The following CSMD2 variants were observed in gnomAD, a reference collection of about 807,000 sequenced individuals.
CSMD2 encodes CUB and sushi domain-containing protein 2.
CSMD2 carries 130 observed loss-of-function variants against 398.5 expected under a neutral mutation model. That is an observed-to-expected ratio of 0.33 (90% confidence interval 0.28 to 0.38). The LOEUF (loss-of-function observed/expected upper bound fraction) is 0.38, where lower values mean the gene tolerates loss of function less well. Ranked by LOEUF, CSMD2 falls within the 10% of genes least tolerant of loss-of-function variation. The probability of loss-of-function intolerance (pLI) is 1.00; values close to 1 mark genes in which losing one functional copy is unlikely to be tolerated. For missense variants in CSMD2, 3,829 were observed against 4,764.9 expected (o/e 0.80, Z 5.78); for synonymous variants, 1,828 against 1,908.5 (o/e 0.96, Z 1.10).
At chr1:34,048,068 C>A (rs370474502) in intron 2 of CSMD2, among the ~76,000 whole-genome samples, 2 of 152,234 alleles carry the variant, frequency 1.3e-5, no homozygotes, top group Non-Finnish European at 2.9e-5. Context: ...ACTGAAGTAT[C>A]CAGCACCACG....
rs565828614 is a variant in CSMD2, at chr1:33,565,567, G to T, written c.8380+2026C>A. On this transcript the variant is annotated intron_variant, in intron 53 of 70. Coordinates refer to ENST00000373381, the MANE Select transcript of CSMD2 (RefSeq NM_001281956.2). The stretch of plus-strand genomic sequence containing the variant: ...GACTTTGTAACACTGACAGAAGAGG[G>T]TACTACTAAACCACACTAAAGCCAT... 2.0e-5 allele frequency among the ~76,000 whole-genome samples: 3 copies of T among 151,834 alleles called. 1 individual carries two copies. The highest frequency in any genetic ancestry group is 2.0e-4 in the Admixed American group (3 of 15,232).
At chr1:33,921,307 C>T (rs1643929309) in intron 4 of CSMD2, among the ~76,000 whole-genome samples, 1 of 152,212 alleles carries the variant, frequency 6.6e-6, no homozygotes, top group South Asian at 2.1e-4. Flanking sequence ...GAGTATCTCT[C>T]TGGCAGGAGG....
At chr1:33,756,508 C>T (rs976203900) in intron 13 of CSMD2, among the ~76,000 whole-genome samples, 1 of 152,186 alleles carries the variant, frequency 6.6e-6, no homozygotes, top group Non-Finnish European at 1.5e-5. Flanking sequence ...GGCCTTTGGA[C>T]TGTGGTCTGA....
At chr1:33,704,333 T>G (rs1011876514) in intron 22 of CSMD2, among the ~76,000 whole-genome samples, 4 of 152,190 alleles carry the variant, frequency 2.6e-5, no homozygotes, top group African/African-American at 9.6e-5. Context: ...AATGTAATGG[T>G]TTGTCTCTTC....
chr1:33,811,129 A>G (rs566093072), intron 9 of CSMD2, among the ~76,000 whole-genome samples: 46 of 151,984 alleles, frequency 3.0e-4, no homozygotes, highest in African/African-American at 1.0e-3. Flanking sequence ...ACTTACCCCC[A>G]CACCCCGACT....
At chr1:34,031,691 G>C (rs1650447313) in intron 3 of CSMD2, among the ~76,000 whole-genome samples, 1 of 124,162 alleles carries the variant, frequency 8.1e-6, no homozygotes, top group South Asian at 2.7e-4. Context: ...GGGAGTGTCT[G>C]TTTCTGTATT....
intron 2 of CSMD2, among the ~76,000 whole-genome samples, chr1:34,049,481 C>A (rs1049479358): frequency 1.4e-4 from 22 of 152,122 alleles, no homozygotes; most frequent in African/African-American, 4.3e-4. Context: ...TCTGCCTGGA[C>A]CCTTAGGATA....
At chr1:34,096,159 C>A (rs557780088) in intron 1 of CSMD2, among the ~76,000 whole-genome samples, 13 of 152,054 alleles carry the variant, frequency 8.5e-5, no homozygotes, top group African/African-American at 3.1e-4. Context: ...AAGACAAAAA[C>A]CACATGACTA....
intron 7 of CSMD2, 29 bp from the exon 8 acceptor site, chr1:33,820,585 A>C (rs79965637): frequency 5.4e-6 from 6 of 1,103,062 alleles, no homozygotes; most frequent in East Asian, 2.4e-5. Context: ...AAAAAAAAAA[A>C]AAACAGCACA....
At chr1:33,725,650 G>T in intron 16 of CSMD2, 114 bp from the exon 17 acceptor site, 3 of 906,128 alleles carry the variant, frequency 3.3e-6, no homozygotes, top group Non-Finnish European at 5.2e-6. Context: ...TGGCAGGCTG[G>T]GATCTTTTAA....
At chr1:33,874,187 A>C (rs1262131576) in intron 5 of CSMD2, among the ~76,000 whole-genome samples, 1 of 152,266 alleles carries the variant, frequency 6.6e-6, no homozygotes, top group Non-Finnish European at 1.5e-5. Context: ...ACAATGCGTC[A>C]CATGGAGTAG....
intron 44 of CSMD2, among the ~76,000 whole-genome samples, chr1:33,598,486 C>T (rs1171392871): frequency 2.6e-5 from 4 of 152,074 alleles, no homozygotes; most frequent in African/African-American, 7.2e-5. Flanking sequence ...TAACAAATTA[C>T]CATAGACTGG....
intron 12 of CSMD2, among the ~76,000 whole-genome samples, chr1:33,782,879 T>C (rs921167149): frequency 6.7e-6 from 1 of 149,382 alleles, no homozygotes; most frequent in African/African-American, 2.5e-5. Flanking sequence ...GAAGTTGTCA[T>C]TTTTTTTTTA....
At chr1:33,914,002 C>T (rs370632016) in intron 5 of CSMD2, among the ~76,000 whole-genome samples, 3 of 152,238 alleles carry the variant, frequency 2.0e-5, no homozygotes, top group African/African-American at 7.2e-5. Flanking sequence ...TCCTGATATC[C>T]TTCAGGGACC....
chr1:33,579,832 C>G (rs12406018), intron 48 of CSMD2, among the ~76,000 whole-genome samples: 2 of 151,896 alleles, frequency 1.3e-5, no homozygotes, highest in Non-Finnish European at 2.9e-5. Flanking sequence ...GTGCATGCCA[C>G]CATGCCTGGC....
chr1:33,551,793 A>C (rs1231481221), intron 55 of CSMD2, among the ~76,000 whole-genome samples: 1 of 152,206 alleles, frequency 6.6e-6, no homozygotes, highest in East Asian at 1.9e-4. Flanking sequence ...TTGAATAACA[A>C]AACATGGTGG....
At position 33,728,957 on chromosome 1, in the gene CSMD2, CT is replaced by C. The variant is rs1206780722; in HGVS notation, c.2369-2273del. ...AACCCATCCATCCATCTCACTGCAA[CT>C]ACTAATGCTTTCCTCCATTTCTCAG... On this transcript the variant is annotated intron_variant, in intron 15 of 70. Coordinates refer to ENST00000373381, the MANE Select transcript of CSMD2 (RefSeq NM_001281956.2). Among the ~76,000 whole-genome samples, 7 of 152,300 alleles carry C rather than the reference CT, an allele frequency of 4.6e-5. No homozygotes were observed. In the East Asian group the frequency reaches 1.3e-3, roughly 29 times the overall value.
intron 28 of CSMD2, among the ~76,000 whole-genome samples, chr1:33,650,631 CT>C (rs1423652329): frequency 6.6e-6 from 1 of 151,984 alleles, no homozygotes; most frequent in Non-Finnish European, 1.5e-5. Context: ...AAGTTTGGGC[CT>C]TTATTATAAG....
rs1371447580 is a variant in CSMD2, at chr1:33,518,406, T to C, written c.*53+1059A>G. On this transcript the variant is annotated intron_variant, in intron 70 of 70. Coordinates refer to ENST00000373381, the MANE Select transcript of CSMD2 (RefSeq NM_001281956.2). The surrounding 1 kb of genome is among the most constrained non-coding windows in gnomAD (Gnocchi z 4.3). ...GTATGCGTATGTGTGTGTGTGTGTG[T>C]GCATGACCGTGTACACGTGTGGGTG... Among the ~76,000 whole-genome samples, 2 of 138,200 alleles carry C rather than the reference T, an allele frequency of 1.4e-5. No homozygotes were observed. Among genetic ancestry groups the C allele is most frequent in the African/African-American group, 2.8e-5 (1 of 36,106 alleles). The allele number at this position is 138,200 out of a possible 152,430, so 90.7% of individuals were successfully genotyped here. A position where few individuals can be genotyped will look rare whatever the true frequency, so the allele number is the denominator to read the frequency against.
Sources: allele counts gnomAD v4.1 joint callset (sites outside exome capture counted in the v4.1 genomes callset), GRCh38; gene constraint gnomAD v4.1.1; non-coding constraint Gnocchi (gnomAD v3.1); transcripts MANE v1.5; gene names NCBI Gene and HGNC (gene_info 2026-07-23, HGNC 2026-07-21).